ALK: variants seen among roughly 807,000 people sequenced by gnomAD.
ALK encodes the protein ALK tyrosine kinase receptor.
In ALK, 74 loss-of-function variants were observed where a neutral mutation model predicts 163.1. The observed-to-expected ratio is 0.45, with a 90% confidence interval of 0.38 to 0.55. The LOEUF (loss-of-function observed/expected upper bound fraction) is 0.55. ALK is among the 20% of genes least tolerant of loss of function. ALK has a pLI of 0.00. For missense variants in ALK, 2,063 were observed against 2,105.3 expected (o/e 0.98, Z 0.39); for synonymous variants, 960 against 843.2 (o/e 1.14, Z -2.40).
At chr2:29,895,063 AG>A (rs139608521) in intron 1 of ALK, among the ~76,000 whole-genome samples, 2,838 of 152,286 alleles carry the variant, frequency 0.019, 75 homozygotes, top group African/African-American at 0.059. Context: ...CTTAATATCA[AG>A]GTGTCATCAT....
At chr2:29,233,398 G>A (rs1664273028) in intron 14 of ALK, among the ~76,000 whole-genome samples, 167 bp downstream of exon 14, 1 of 152,060 alleles carries the variant, frequency 6.6e-6, no homozygotes, top group East Asian at 1.9e-4. Flanking sequence ...CTCCTGCCTT[G>A]GCCTCCCAAA....
intron 1 of ALK, among the ~76,000 whole-genome samples, chr2:29,765,526 G>T (rs549632490): frequency 1.4e-4 from 22 of 152,020 alleles, no homozygotes; most frequent in African/African-American, 4.6e-4. Flanking sequence ...TGCCCAGGCT[G>T]GTCTCAAACT....
chr2:29,450,555 C>A lies in ALK; in HGVS notation c.1155-66696G>T, dbSNP rs549434757. ...ATAGACAGAGGGTAGATAGATTAAG[C>A]TCTGGAAATCAGCACTTGGGGAAAA... On this transcript the variant is annotated intron_variant, in intron 4 of 28. Transcript: ENST00000389048. Among the ~76,000 whole-genome samples the A allele has an allele frequency of 1.2e-4, 19 of 152,194 alleles. No individual in the cohort carries two copies. The East Asian group carries it at 1.5e-3, about 12-fold the overall frequency.
intron 1 of ALK, among the ~76,000 whole-genome samples, chr2:29,863,261 A>C (rs1666341508): frequency 6.6e-6 from 1 of 152,198 alleles, no homozygotes; most frequent in South Asian, 2.1e-4. Context: ...AAAACAGACA[A>C]AAGAGATGGC....
chr2:29,795,205 G>C (rs145686720), intron 1 of ALK, among the ~76,000 whole-genome samples: 35 of 151,896 alleles, frequency 2.3e-4, no homozygotes, highest in Non-Finnish European at 4.3e-4. Context: ...CACACGCAAA[G>C]AGCTAACAAA....
intron 26 of ALK, among the ~76,000 whole-genome samples, chr2:29,202,122 A>T (rs1406200460): frequency 6.6e-6 from 1 of 152,042 alleles, no homozygotes; most frequent in African/African-American, 2.4e-5. Context: ...GACCATCAGG[A>T]CTTGATTTCA....
chr2:29,475,378 C>T (rs1332648155), intron 4 of ALK, among the ~76,000 whole-genome samples: 1 of 152,148 alleles, frequency 6.6e-6, no homozygotes, highest in Non-Finnish European at 1.5e-5. Flanking sequence ...AGAAATAGGC[C>T]CCAAGAGGTG....
chr2:29,770,307 T>C (rs1267181558), intron 1 of ALK, among the ~76,000 whole-genome samples: 1 of 152,218 alleles, frequency 6.6e-6, no homozygotes, highest in Non-Finnish European at 1.5e-5. Flanking sequence ...CAAGGGGATT[T>C]GAAAAGCTCA....
rs540026667 is a variant in ALK at position 29,356,207 on chromosome 2, A to C, written c.1282+27525T>G. 2.1e-3 allele frequency among the ~76,000 whole-genome samples: 323 copies of C among 152,280 alleles called. 3 individuals carry two copies. Among genetic ancestry groups the C allele is most frequent in the African/African-American group, 7.4e-3 (308 of 41,550 alleles). On this transcript the variant is annotated intron_variant, in intron 5 of 28. Transcript: ENST00000389048. ...TAATAGCTGACGTTTCCTGAGGACT[A>C]TATATGTGCCAGGTTGTATGCTGAC...
At chr2:29,667,045 ATT>A (rs1467467622) in intron 3 of ALK, among the ~76,000 whole-genome samples, 1 of 152,140 alleles carries the variant, frequency 6.6e-6, no homozygotes, top group Non-Finnish European at 1.5e-5. Flanking sequence ...GCTAAATAGT[ATT>A]CCATTGTGTA....
chr2:29,260,192 T>G (rs1665050604), intron 11 of ALK, among the ~76,000 whole-genome samples: 1 of 149,818 alleles, frequency 6.7e-6, no homozygotes, highest in Non-Finnish European at 1.5e-5. Context: ...TTGCAAATTC[T>G]TTGCTGAGTT....
chr2:29,639,451 T>G (rs531563695), intron 3 of ALK, among the ~76,000 whole-genome samples: 30 of 152,330 alleles, frequency 2.0e-4, no homozygotes, highest in African/African-American at 7.2e-4. Flanking sequence ...TGCATTTCTT[T>G]CTTTCATATA....
chr2:29,498,792 T>C (rs1672096220), intron 4 of ALK, among the ~76,000 whole-genome samples: 1 of 152,214 alleles, frequency 6.6e-6, no homozygotes, highest in South Asian at 2.1e-4. Context: ...GGCTTTCACT[T>C]TTTCCTAATG....
intron 4 of ALK, among the ~76,000 whole-genome samples, chr2:29,447,099 C>T (rs752135279): frequency 1.3e-5 from 2 of 152,144 alleles, no homozygotes; most frequent in African/African-American, 2.4e-5. Context: ...CAGCTGTAAA[C>T]GCAGCTGGGG....
intron 5 of ALK, among the ~76,000 whole-genome samples, chr2:29,371,025 T>G (rs1385354910): frequency 6.6e-6 from 1 of 152,268 alleles, no homozygotes; most frequent in Non-Finnish European, 1.5e-5. Flanking sequence ...CAGCAAAAGC[T>G]GAAAGACTTT....
At position 29,193,823 on chromosome 2, in the gene ALK, G is replaced by C. The variant is rs1558604075; in HGVS notation, c.4264C>G (p.Pro1422Ala). 1.2e-6 allele frequency: 2 copies of C among 1,607,684 alleles called. No individual in the cohort carries two copies. The highest frequency in any genetic ancestry group is 8.5e-7 in the Non-Finnish European group (1 of 1,177,186). Reference protein sequence around the residue: ...PVRPKDPEGVPPLLVSQQAKR... With the variant: ...PVRPKDPEGVAPLLVSQQAKR... Reference sequence around the variant, plus strand: ...GCCTGTTGAGAGACCAGGAGAGGAGGAACCCCCTCAGGGTCCTTGGGCCTC... The same window carrying C: ...GCCTGTTGAGAGACCAGGAGAGGAGCAACCCCCTCAGGGTCCTTGGGCCTC... Residue 1422 changes from proline (P) to alanine (A), a missense_variant, in exon 29 of 29, where the codon CCT becomes GCT. Pro to Ala is a conservative substitution (Grantham distance 27, BLOSUM62 -1). Around this residue, in one of 5 missense-constraint regions of ALK, gnomAD observed 403 missense variants for 366.2 expected, o/e 1.10. Transcript: ENST00000389048.
At chr2:29,879,902 G>A (rs1024897299) in intron 1 of ALK, among the ~76,000 whole-genome samples, 13 of 152,148 alleles carry the variant, frequency 8.5e-5, no homozygotes, top group Non-Finnish European at 1.3e-4. Flanking sequence ...AAGAAAGGCC[G>A]CCTGAATTAT....
At chr2:29,452,639 A>C (rs1178514743) in intron 4 of ALK, among the ~76,000 whole-genome samples, 1 of 152,236 alleles carries the variant, frequency 6.6e-6, no homozygotes, top group South Asian at 2.1e-4. Context: ...CCCATAAGAT[A>C]CTAATTAATT....
intron 1 of ALK, among the ~76,000 whole-genome samples, chr2:29,918,558 C>T (rs964922996): frequency 3.3e-5 from 5 of 152,186 alleles, no homozygotes; most frequent in Non-Finnish European, 2.9e-5. Context: ...GAAAAGGGCT[C>T]ACTTTAGGTG....
Sources: gnomAD v4.1 joint callset for allele counts (sites outside exome capture counted in the v4.1 genomes callset) on GRCh38, gnomAD v4.1.1 for gene constraint, gnomAD v4.1.1 regional missense constraint, MANE v1.5 for transcripts, NCBI Gene and HGNC (gene_info 2026-07-23, HGNC 2026-07-21) for gene names.